Variants in CAMKMT observed in about 807,000 individuals in gnomAD.
CAMKMT encodes the protein CaM KMT.
In CAMKMT, 53 loss-of-function variants were observed where a neutral mutation model predicts 48.0. That is an observed-to-expected ratio of 1.10 (90% CI 0.89 to 1.39). The LOEUF is 1.39. Ranked by LOEUF, CAMKMT falls within the 40% of genes most tolerant of loss-of-function variation. CAMKMT has a pLI of 0.00. For missense variants in CAMKMT, 428 were observed against 402.7 expected (o/e 1.06, Z -0.54); for synonymous variants, 165 against 152.3 (o/e 1.08, Z -0.61).
rs147126379 is a variant in CAMKMT at position 44,420,810 on chromosome 2, C to T, written c.376+30505C>T. Reference sequence around the variant, plus strand: ...ATCATTTATTTCATAGCCTATATTCCACTAGCAGAAGCTTACTTTTTTTTT... The same window carrying T: ...ATCATTTATTTCATAGCCTATATTCTACTAGCAGAAGCTTACTTTTTTTTT... On this transcript the variant is annotated intron_variant, in intron 3 of 10. Transcript: ENST00000378494. Among the ~76,000 whole-genome samples the T allele has an allele frequency of 3.3e-5, 5 of 151,724 alleles. No homozygotes were observed. The East Asian group carries it at 9.7e-4, about 29-fold the overall frequency.
intron 3 of CAMKMT, among the ~76,000 whole-genome samples, chr2:44,468,016 A>G (rs1459250120): frequency 6.6e-6 from 1 of 152,214 alleles, no homozygotes; most frequent in Admixed American, 6.5e-5. Flanking sequence ...GTATTATATA[A>G]AACTAAAAAG....
chr2:44,456,157 A>T (rs898773502), intron 3 of CAMKMT, among the ~76,000 whole-genome samples: 2 of 152,210 alleles, frequency 1.3e-5, no homozygotes, highest in African/African-American at 2.4e-5. Context: ...TTGCTAGTAC[A>T]TATTAGATAC....
chr2:44,626,879 C>T (rs191740962), intron 3 of CAMKMT, among the ~76,000 whole-genome samples: 6 of 152,148 alleles, frequency 3.9e-5, no homozygotes, highest in Non-Finnish European at 7.4e-5. Context: ...TTTTCTTGCT[C>T]TAGTGCACTG....
At chr2:44,707,550 G>A (rs1243217309) in intron 6 of CAMKMT, 88 bp downstream of exon 6, 2 of 1,133,662 alleles carry the variant, frequency 1.8e-6, no homozygotes, top group African/African-American at 1.6e-5. Flanking sequence ...AGACAGCATG[G>A]GGTATTAAAA....
chr2:44,683,864 A>G (rs1292078792), intron 3 of CAMKMT, among the ~76,000 whole-genome samples: 1 of 151,500 alleles, frequency 6.6e-6, no homozygotes. Flanking sequence ...AAAGAAAAAG[A>G]AAAGAAAAAT....
At chr2:44,602,783 C>T (rs1181968836) in intron 3 of CAMKMT, among the ~76,000 whole-genome samples, 1 of 151,982 alleles carries the variant, frequency 6.6e-6, no homozygotes, top group Non-Finnish European at 1.5e-5. Context: ...GAGGAAAATT[C>T]GCATCCACGA....
chr2:44,538,373 C>CAA (rs202189281), intron 3 of CAMKMT, among the ~76,000 whole-genome samples: 1,637 of 129,764 alleles, frequency 0.013, 18 homozygotes, highest in South Asian at 0.03. Flanking sequence ...ATCTCAAAAA[C>CAA]AAAAAAAAAA....
At chr2:44,456,458 A>G (rs138373258) in intron 3 of CAMKMT, 1 of 1,338,508 alleles carries the variant, frequency 7.5e-7, no homozygotes. Context: ...CAGAATTATT[A>G]TATAAATATG....
At chr2:44,516,631 T>A (rs765570912) in intron 3 of CAMKMT, among the ~76,000 whole-genome samples, 1 of 152,214 alleles carries the variant, frequency 6.6e-6, no homozygotes, top group Admixed American at 6.5e-5. Context: ...TAATTTTAAT[T>A]ATATGGCCTT....
intron 3 of CAMKMT, among the ~76,000 whole-genome samples, chr2:44,668,804 C>A (rs749728379): frequency 1.3e-5 from 2 of 151,004 alleles, no homozygotes; most frequent in Non-Finnish European, 1.5e-5. Flanking sequence ...TTTTTTGAGA[C>A]AGAGTCTCAC....
At chr2:44,499,028 C>T (rs1309735668) in intron 3 of CAMKMT, among the ~76,000 whole-genome samples, 5 of 152,102 alleles carry the variant, frequency 3.3e-5, no homozygotes, top group Non-Finnish European at 7.4e-5. Context: ...ATTTGCAAAA[C>T]CTCTTTTATT....
chr2:44,391,116 T>C (rs1158482121), intron 3 of CAMKMT, among the ~76,000 whole-genome samples: 2 of 152,222 alleles, frequency 1.3e-5, no homozygotes, highest in African/African-American at 4.8e-5. Context: ...TGTTAACTTT[T>C]GGCTGAATTT....
rs147370892 is a variant in CAMKMT at position 44,396,379 on chromosome 2, A to G, written c.376+6074A>G. Among the ~76,000 whole-genome samples the G allele has an allele frequency of 1.2e-3, 181 of 152,290 alleles. 1 individual carries two copies. The highest frequency in any genetic ancestry group is 4.3e-3 in the African/African-American group (180 of 41,568). On this transcript the variant is annotated intron_variant, in intron 3 of 10. Coordinates refer to ENST00000378494, the MANE Select transcript of CAMKMT (RefSeq NM_024766.5). ...CAGATGAAGATGTATTTTCTTTATAAAGAGCTCTTACAAATCCATAATAAA... is the reference window on the plus strand; with the variant it reads ...CAGATGAAGATGTATTTTCTTTATAGAGAGCTCTTACAAATCCATAATAAA...
chr2:44,534,081 A>T (rs1666634041), intron 3 of CAMKMT, among the ~76,000 whole-genome samples: 1 of 152,200 alleles, frequency 6.6e-6, no homozygotes, highest in Non-Finnish European at 1.5e-5. Context: ...GAATAGCTAT[A>T]CTTACATAAA....
At chr2:44,434,811 A>T (rs1489844318) in intron 3 of CAMKMT, among the ~76,000 whole-genome samples, 1 of 152,244 alleles carries the variant, frequency 6.6e-6, no homozygotes, top group Non-Finnish European at 1.5e-5. Flanking sequence ...ATAGGTTTCC[A>T]ACAAAAAATG....
At chr2:44,395,266 A>G (rs750552029) in intron 3 of CAMKMT, among the ~76,000 whole-genome samples, 1 of 152,172 alleles carries the variant, frequency 6.6e-6, no homozygotes, top group Non-Finnish European at 1.5e-5. Context: ...ATGCATATGT[A>G]TGTGTATATG....
chr2:44,626,023 A>T (rs1341374334), intron 3 of CAMKMT, among the ~76,000 whole-genome samples: 1 of 152,196 alleles, frequency 6.6e-6, no homozygotes. Flanking sequence ...TGTTAGAATC[A>T]GGTTGGCAAT....
At chr2:44,647,179 A>G (rs1344178334) in intron 3 of CAMKMT, among the ~76,000 whole-genome samples, 2 of 152,132 alleles carry the variant, frequency 1.3e-5, no homozygotes, top group Non-Finnish European at 2.9e-5. Context: ...AGTGGCAGCA[A>G]TTGTCAACAT....
chr2:44,726,309 A>G (rs1328071902), intron 7 of CAMKMT, among the ~76,000 whole-genome samples: 1 of 152,152 alleles, frequency 6.6e-6, no homozygotes, highest in Non-Finnish European at 1.5e-5. Context: ...TTGACCTTTT[A>G]AGAATAGCCA....
Sources: allele counts gnomAD v4.1 joint callset (sites outside exome capture counted in the v4.1 genomes callset), GRCh38; gene constraint gnomAD v4.1.1; transcripts MANE v1.5; gene names NCBI Gene and HGNC (gene_info 2026-07-23, HGNC 2026-07-21).